Variants in THOP1 observed in about 807,000 individuals in gnomAD.
THOP1 encodes thimet oligopeptidase.
In THOP1, 49 loss-of-function variants were observed where a neutral mutation model predicts 71.8. The observed-to-expected ratio is 0.68, with a 90% CI of 0.54 to 0.87. The LOEUF (loss-of-function observed/expected upper bound fraction) is 0.87. Among genes scored for constraint, THOP1 ranks in the 40% least tolerant of loss-of-function variants. The pLI, the probability that THOP1 is intolerant of heterozygous loss-of-function variation, is 0.00. For missense variants in THOP1, 843 were observed against 975.6 expected, an observed-to-expected ratio of 0.86 and a Z score of 1.81; for synonymous variants, 426 against 421.5, an observed-to-expected ratio of 1.01 and a Z score of -0.13.
chr19:2,797,474 G>A (rs1388958463), intron 4 of THOP1, among the ~76,000 whole-genome samples: 1 of 152,230 alleles, frequency 6.6e-6, no homozygotes, highest in Non-Finnish European at 1.5e-5. Flanking sequence ...TTGCTGTCCT[G>A]TGACGCTGGG....
At chr19:2,803,910 C>G (rs1431256364) in intron 5 of THOP1, among the ~76,000 whole-genome samples, 1 of 152,170 alleles carries the variant, frequency 6.6e-6, no homozygotes, top group Admixed American at 6.5e-5. Context: ...AGCTCCCGAT[C>G]ATTCTTTCCA....
rs1462357648 is a variant in THOP1 at position 2,804,496 on chromosome 19, A to ACCTCCCTCTCCACGTGGGG, written c.590-508_590-490dup. 1 of 153,400 alleles carries ACCTCCCTCTCCACGTGGGG rather than the reference A, an allele frequency of 6.5e-6. No individual in the cohort carries two copies. Among genetic ancestry groups the ACCTCCCTCTCCACGTGGGG allele is most frequent in the Non-Finnish European group, 1.4e-5 (1 of 69,190 alleles). The allele number at this position is 153,400 out of a possible 1,614,324, so 9.5% of individuals were successfully genotyped here. ...GGTTCTTCAGGAAAAGCAAAGCAGG[A>ACCTCCCTCTCCACGTGGGG]CCTCCCTCTCCACGTGGGGCCTCCC... On this transcript the variant is annotated intron_variant, in intron 5 of 12. Transcript: ENST00000307741. This position sits in a 1 kb window ranked among gnomAD's most constrained non-coding sequence, Gnocchi z 4.7.
At chr19:2,808,197 C>G (rs534194968) in intron 8 of THOP1, 46 bp from the exon 9 acceptor site, 2 of 1,523,910 alleles carry the variant, frequency 1.3e-6, no homozygotes, top group African/African-American at 2.8e-5. Flanking sequence ...GGGACTCTTG[C>G]GGTGTCTCTA....
intron 1 of THOP1, among the ~76,000 whole-genome samples, chr19:2,786,780 T>TTTTTTTTTTTTTTTGG (rs1568317132): frequency 6.8e-6 from 1 of 147,774 alleles, no homozygotes; most frequent in Non-Finnish European, 1.5e-5. Flanking sequence ...TTTTTTTTTT[T>TTTTTTTTTTTTTTTGG]GGAGATAGAG....
chr19:2,793,451 G>A (rs1915932545), intron 2 of THOP1, among the ~76,000 whole-genome samples: 10 of 152,188 alleles, frequency 6.6e-5, no homozygotes, highest in Admixed American at 6.5e-4. Flanking sequence ...CTGCACATTG[G>A]GAGGCCGAGG....
At chr19:2,796,633 G>A (rs957491145) in intron 4 of THOP1, among the ~76,000 whole-genome samples, 5 of 150,608 alleles carry the variant, frequency 3.3e-5, no homozygotes, top group Admixed American at 1.3e-4. Context: ...CAGTCCTGGG[G>A]AGTGCTCAGT....
Position 2,807,754 on chromosome 19 carries a change from G to A in THOP1, c.1199G>A (p.Arg400Lys). 6.4e-7 allele frequency: 1 copy of A among 1,559,022 alleles called. No homozygotes were observed. The highest frequency in any genetic ancestry group is 1.4e-5 in the African/African-American group (1 of 73,756). ...GAGGACGTGCGGCTCTACACCGCGA[G>A]GGACGCGGCCTCGGGGGAGGTGGTC... ...WHEDVRLYTA[R>K]DAASGEVVGK... The change falls in exon 8 of 13, where the codon AGG (arginine) becomes AAG (lysine). Residue 400 changes from arginine (R) to lysine (K), a missense_variant. By Grantham distance (26) the Arg-to-Lys change is conservative. Transcript: ENST00000307741.
chr19:2,803,065 C>T (rs1380454064), intron 5 of THOP1, among the ~76,000 whole-genome samples: 1 of 152,114 alleles, frequency 6.6e-6, no homozygotes, highest in East Asian at 1.9e-4. Context: ...GCCTCTGAGC[C>T]CACTCTTACT....
At chr19:2,795,925 A>T in intron 3 of THOP1, 156 bp from the exon 4 acceptor site, 1 of 589,548 alleles carries the variant, frequency 1.7e-6, no homozygotes, top group Non-Finnish European at 3.1e-6. Flanking sequence ...GGTTTTATGT[A>T]GAGACAGGTC....
At chr19:2,802,563 C>T (rs1187275775) in intron 5 of THOP1, among the ~76,000 whole-genome samples, 2 of 150,696 alleles carry the variant, frequency 1.3e-5, no homozygotes, top group Admixed American at 6.6e-5. Context: ...CAACACCTTC[C>T]GACACCCCCA....
chr19:2,808,780 C>A (rs1176333390), intron 9 of THOP1, among the ~76,000 whole-genome samples: 1 of 152,252 alleles, frequency 6.6e-6, no homozygotes, highest in African/African-American at 2.4e-5. Flanking sequence ...CTCATGTGGT[C>A]GTCCTTCTGT....
chr19:2,811,326 G>A (rs947110639), intron 11 of THOP1, among the ~76,000 whole-genome samples: 4 of 152,202 alleles, frequency 2.6e-5, no homozygotes, highest in East Asian at 1.9e-4. Flanking sequence ...CTTTATTGAC[G>A]CAGTCTCAAA....
At chr19:2,809,226 G>A (rs1248625553) in intron 9 of THOP1, among the ~76,000 whole-genome samples, 13 of 152,168 alleles carry the variant, frequency 8.5e-5, no homozygotes, top group Admixed American at 8.5e-4. Context: ...GCGCTGACGG[G>A]TTCACGTTGA....
At position 2,794,913 on chromosome 19, in the gene THOP1, G is replaced by GT; in HGVS notation, c.378+2dup. ...GTACCAGAGGATCGTGTGGCTCCAG[G>GT]TGAGGGGGCCCTGCGGGGAGTGCAA... On this transcript the variant is annotated splice_donor_variant, in intron 3 of 12. Coordinates refer to ENST00000307741, the MANE Select transcript of THOP1 (RefSeq NM_003249.5). LOFTEE classifies it high-confidence loss of function. The GT allele has an allele frequency of 6.2e-7, 1 of 1,609,608 alleles. No homozygotes were observed. The highest frequency in any genetic ancestry group is 8.5e-7 in the Non-Finnish European group (1 of 1,176,272).
chr19:2,798,966 T>C (rs1251043746), intron 4 of THOP1, among the ~76,000 whole-genome samples: 4 of 152,228 alleles, frequency 2.6e-5, no homozygotes, highest in Admixed American at 2.6e-4. Context: ...CCTTTGTTGA[T>C]ATCCCATATC....
chr19:2,794,112 T>G (rs1332296856), intron 2 of THOP1, among the ~76,000 whole-genome samples: 1 of 152,028 alleles, frequency 6.6e-6, no homozygotes, highest in Non-Finnish European at 1.5e-5. Flanking sequence ...CCTCCCGGGT[T>G]CAAGCTATTC....
chr19:2,786,683 C>T (rs1915749782), intron 1 of THOP1, among the ~76,000 whole-genome samples: 2 of 151,908 alleles, frequency 1.3e-5, no homozygotes, highest in Non-Finnish European at 1.5e-5. Context: ...CTCACCGCAA[C>T]CTCCGCCTCC....
In THOP1 at chr19:2,788,199, T is replaced by C. The variant is rs374301353; in HGVS notation, c.17-2222T>C. Among the ~76,000 whole-genome samples, 6 of 152,362 alleles carry C rather than the reference T, an allele frequency of 3.9e-5. No homozygotes were observed. In the East Asian group the frequency reaches 9.6e-4, roughly 24 times the overall value. On this transcript the variant is annotated intron_variant, in intron 1 of 12. Transcript: ENST00000307741. ...TTCTTGTTCTCTGCACCCTGAATTG[T>C]TCCCGTTTTGCAGGTGGGAAGCCTG...
chr19:2,793,132 A>G (rs1042789995), intron 2 of THOP1, among the ~76,000 whole-genome samples: 3 of 151,958 alleles, frequency 2.0e-5, no homozygotes, highest in African/African-American at 4.8e-5. Flanking sequence ...CCGAGATCAC[A>G]CCATTGCACT....
Sources: gnomAD v4.1 joint callset for allele counts (sites outside exome capture counted in the v4.1 genomes callset) on GRCh38, gnomAD v4.1.1 for gene constraint, Gnocchi (gnomAD v3.1) non-coding constraint, MANE v1.5 for transcripts, NCBI Gene and HGNC (gene_info 2026-07-23, HGNC 2026-07-21) for gene names.